The following CADM2 variants were observed in gnomAD, a reference collection of about 807,000 sequenced individuals.
CADM2 encodes cell adhesion molecule 2.
CADM2 carries 12 observed loss-of-function variants against 49.8 expected under a neutral mutation model. The ratio of observed to expected loss-of-function variants is 0.24; its 90% CI spans 0.15 to 0.39. CADM2 has a LOEUF of 0.39. CADM2 is among the 10% of genes least tolerant of loss of function. The pLI is 1.00. For synonymous variants in CADM2, 214 were observed against 175.4 expected (o/e 1.22, Z -1.74); for missense variants, 378 against 492.3 (o/e 0.77, Z 2.20).
At chr3:85,883,526 A>G (rs1713123654) in intron 4 of CADM2, 83 bp downstream of exon 4, 5 of 1,212,916 alleles carry the variant, frequency 4.1e-6, no homozygotes, top group Non-Finnish European at 4.5e-6. Flanking sequence ...ATACAAAAAT[A>G]TATTTTGAAG....
At chr3:85,031,007 T>C (rs1216410711) in intron 1 of CADM2, among the ~76,000 whole-genome samples, 3 of 152,086 alleles carry the variant, frequency 2.0e-5, no homozygotes, top group Admixed American at 2.0e-4. Flanking sequence ...AGACCAGTAA[T>C]TGTGGCACCT....
intron 8 of CADM2, among the ~76,000 whole-genome samples, chr3:85,991,254 TG>T (rs1269748478): frequency 1.3e-5 from 2 of 152,216 alleles, no homozygotes; most frequent in Non-Finnish European, 2.9e-5. Context: ...CTCACTTCTT[TG>T]GCTCCTCATT....
intron 1 of CADM2, among the ~76,000 whole-genome samples, chr3:85,258,779 G>A (rs946485470): frequency 6.6e-6 from 1 of 151,908 alleles, no homozygotes; most frequent in Non-Finnish European, 1.5e-5. Flanking sequence ...TTATGTTCCA[G>A]GTAAAATGGA....
intron 1 of CADM2, among the ~76,000 whole-genome samples, chr3:85,537,355 C>G (rs1453220089): frequency 6.6e-6 from 1 of 151,880 alleles, no homozygotes; most frequent in East Asian, 1.9e-4. Context: ...AAATTAGCCC[C>G]AGAACTGAGT....
intron 5 of CADM2, among the ~76,000 whole-genome samples, chr3:85,899,848 G>C (rs776462350): frequency 2.0e-5 from 3 of 152,036 alleles, no homozygotes; most frequent in Admixed American, 2.0e-4. Context: ...AATAGATCTT[G>C]TCCCAGCCTC....
intron 8 of CADM2, among the ~76,000 whole-genome samples, chr3:86,017,527 G>A (rs1001153587): frequency 6.6e-6 from 1 of 151,906 alleles, no homozygotes; most frequent in Non-Finnish European, 1.5e-5. Context: ...GCCAGGAGTT[G>A]GAGAGCAGAC....
At chr3:85,370,184 G>T (rs1027323600) in intron 1 of CADM2, among the ~76,000 whole-genome samples, 5 of 148,910 alleles carry the variant, frequency 3.4e-5, no homozygotes, top group African/African-American at 9.8e-5. Flanking sequence ...TTGCAATCCA[G>T]CCTGGGACAC....
At chr3:85,130,956 G>A (rs1480307323) in intron 1 of CADM2, among the ~76,000 whole-genome samples, 1 of 152,212 alleles carries the variant, frequency 6.6e-6, no homozygotes, top group Non-Finnish European at 1.5e-5. Context: ...GCCAAGGTGG[G>A]TGGATCACTT....
At chr3:85,766,288 G>A (rs2069652870) in intron 2 of CADM2, among the ~76,000 whole-genome samples, 3 of 152,056 alleles carry the variant, frequency 2.0e-5, no homozygotes, top group East Asian at 1.9e-4. Flanking sequence ...AAACATACAA[G>A]TTATTGTCCA....
intron 1 of CADM2, among the ~76,000 whole-genome samples, chr3:84,999,040 C>G (rs2033322491): frequency 6.6e-6 from 1 of 152,058 alleles, no homozygotes; most frequent in South Asian, 2.1e-4. Context: ...TACCACAGAT[C>G]CACAAAAATT....
At chr3:84,965,207 G>A (rs1473725572) in intron 1 of CADM2, among the ~76,000 whole-genome samples, 1 of 152,180 alleles carries the variant, frequency 6.6e-6, no homozygotes, top group Non-Finnish European at 1.5e-5. Context: ...GTGCAATTCT[G>A]TTGTATCAAG....
intron 3 of CADM2, among the ~76,000 whole-genome samples, chr3:85,869,355 C>T (rs1196747404): frequency 6.6e-6 from 1 of 152,038 alleles, no homozygotes; most frequent in Non-Finnish European, 1.5e-5. Context: ...TCGTTCCATT[C>T]ATTTTTAGCA....
At chr3:85,212,256 A>G (rs184596160) in intron 1 of CADM2, among the ~76,000 whole-genome samples, 274 of 152,192 alleles carry the variant, frequency 1.8e-3, no homozygotes, top group Non-Finnish European at 2.8e-3. Flanking sequence ...TGAAGAGTTT[A>G]GTCCATTCAC....
At chr3:85,597,815 C>A (rs1217320472) in intron 1 of CADM2, among the ~76,000 whole-genome samples, 1 of 151,976 alleles carries the variant, frequency 6.6e-6, no homozygotes, top group Admixed American at 6.6e-5. Context: ...ATGGTACAAA[C>A]CTAATCAATA....
At chr3:86,058,895 AC>A (rs1392410862) in intron 8 of CADM2, among the ~76,000 whole-genome samples, 3 of 152,016 alleles carry the variant, frequency 2.0e-5, no homozygotes, top group Admixed American at 6.6e-5. Context: ...GCAGTTCAAG[AC>A]CAGCCTGGTC....
chr3:85,719,660 G>A (rs2067426283), intron 1 of CADM2, among the ~76,000 whole-genome samples: 1 of 151,366 alleles, frequency 6.6e-6, no homozygotes, highest in African/African-American at 2.5e-5. Context: ...AAAGGAGGAG[G>A]AAAAGAAGGA....
At chr3:85,360,203 A>G (rs9861451) in intron 1 of CADM2, among the ~76,000 whole-genome samples, 99,391 of 151,874 alleles carry the variant, frequency 0.65, 33,414 homozygotes, top group East Asian at 0.81. Flanking sequence ...GAAAACCATT[A>G]GCAAGCAGGA....
At chr3:86,045,126 G>A (rs1377403190) in intron 8 of CADM2, among the ~76,000 whole-genome samples, 2 of 151,930 alleles carry the variant, frequency 1.3e-5, no homozygotes, top group Non-Finnish European at 2.9e-5. Context: ...GTTAATGGGT[G>A]CAGCACACCA....
At chr3:86,058,180 TG>T (rs1474485177) in intron 8 of CADM2, among the ~76,000 whole-genome samples, 2 of 152,200 alleles carry the variant, frequency 1.3e-5, no homozygotes, top group African/African-American at 4.8e-5. Context: ...CAAATCTTTC[TG>T]TATTAATATT....
Sources: gnomAD v4.1 joint callset for allele counts (sites outside exome capture counted in the v4.1 genomes callset) on GRCh38, gnomAD v4.1.1 for gene constraint, MANE v1.5 for transcripts, NCBI Gene and HGNC (gene_info 2026-07-23, HGNC 2026-07-21) for gene names.